Variants in SSBP2 observed in about 807,000 individuals in gnomAD.
SSBP2 encodes single-stranded DNA-binding protein 2.
SSBP2 carries 17 observed loss-of-function variants against 61.8 expected under a neutral mutation model. The ratio of observed to expected loss-of-function variants is 0.28; its 90% CI spans 0.19 to 0.41. The LOEUF (loss-of-function observed/expected upper bound fraction) is 0.41. SSBP2 is among the 10% of genes least tolerant of loss of function. The pLI is 1.00. For synonymous variants in SSBP2, 139 were observed against 141.3 expected (o/e 0.98, Z 0.12); for missense variants, 310 against 458.7 (o/e 0.68, Z 2.96).
At chr5:81,518,235 A>T (rs144037945) in intron 4 of SSBP2, among the ~76,000 whole-genome samples, 177 of 152,306 alleles carry the variant, frequency 1.2e-3, no homozygotes, top group African/African-American at 4.2e-3. Context: ...GGGAAGGGTG[A>T]GTAGGAAGAG....
chr5:81,715,634 TACTA>T lies in SSBP2; in HGVS notation c.62+35343_62+35346del, dbSNP rs1410870414. ...GAAAGAAAAAGTAACCATAGAATAC[TACTA>T]CATGGCAAAACTATAAATAGCATTT... On this transcript the variant is annotated intron_variant, in intron 1 of 16. Transcript: ENST00000320672. Among the ~76,000 whole-genome samples, 3 of 152,196 alleles carry T rather than the reference TACTA, an allele frequency of 2.0e-5. No individual in the cohort carries two copies. In the East Asian group the frequency reaches 5.8e-4, roughly 29 times the overall value.
At position 81,413,571 on chromosome 5, in the gene SSBP2, C is replaced by G. The variant is rs934404936; in HGVS notation, c.*6933G>C. 6.6e-6 allele frequency: 1 copy of G among 152,130 alleles called. No homozygotes were observed. Among genetic ancestry groups the G allele is most frequent in the Non-Finnish European group, 1.5e-5 (1 of 68,006 alleles). 9.4% of individuals were successfully genotyped at this position (152,130 alleles called of 1,614,324 possible). On this transcript the variant is annotated 3_prime_UTR_variant, in exon 17 of 17. Coordinates refer to ENST00000320672, the MANE Select transcript of SSBP2 (RefSeq NM_012446.5). ...ATTAAACAATTCAATACGTTAATGG[C>G]TATCATAAGTATTCTATTTATAAAG...
At chr5:81,579,720 G>A (rs1581076983) in intron 4 of SSBP2, among the ~76,000 whole-genome samples, 1 of 152,148 alleles carries the variant, frequency 6.6e-6, no homozygotes, top group East Asian at 1.9e-4. Context: ...CATGTAATCA[G>A]ATAAAAGCTT....
intron 4 of SSBP2, among the ~76,000 whole-genome samples, chr5:81,574,335 AT>A (rs1258350371): frequency 6.6e-6 from 1 of 152,166 alleles, no homozygotes; most frequent in Non-Finnish European, 1.5e-5. Flanking sequence ...CTGAAAAAAA[AT>A]AATGGGCTAA....
chr5:81,622,875 G>C (rs961279246), intron 3 of SSBP2, among the ~76,000 whole-genome samples: 1 of 151,974 alleles, frequency 6.6e-6, no homozygotes. Flanking sequence ...CCTTCAGCGG[G>C]GAAAAACGTG....
intron 1 of SSBP2, among the ~76,000 whole-genome samples, chr5:81,650,976 C>T (rs1398789784): frequency 6.6e-6 from 1 of 151,986 alleles, no homozygotes; most frequent in African/African-American, 2.4e-5. Flanking sequence ...TAAAGGTTAA[C>T]AAAATTATGT....
intron 3 of SSBP2, among the ~76,000 whole-genome samples, chr5:81,627,467 C>G (rs1747283062): frequency 6.6e-6 from 1 of 152,114 alleles, no homozygotes. Context: ...AACCAGTAAG[C>G]CAATTATAAA....
At chr5:81,544,110 C>T (rs547104999) in intron 4 of SSBP2, among the ~76,000 whole-genome samples, 3 of 152,208 alleles carry the variant, frequency 2.0e-5, no homozygotes, top group East Asian at 3.9e-4. Flanking sequence ...AGTGCAGTGG[C>T]GGGATCTCGG....
Position 81,442,657 on chromosome 5 carries a change from G to C in SSBP2, c.845C>G (p.Pro282Arg). Residue 282 changes from proline (P) to arginine (R), a missense_variant, in exon 13 of 17, where the codon CCT becomes CGT. Pro to Arg is a moderately radical substitution (Grantham distance 103). Coordinates refer to ENST00000320672, the MANE Select transcript of SSBP2 (RefSeq NM_012446.5). ...ATAAAAAAAGTTCATATTTACATTAGGTCTGTTAGGTCCAGGAGGTACTGC... is the reference window on the plus strand; with the variant it reads ...ATAAAAAAAGTTCATATTTACATTACGTCTGTTAGGTCCAGGAGGTACTGC... 1 of 1,555,014 alleles carries C rather than the reference G, an allele frequency of 6.4e-7. No individual in the cohort carries two copies. The highest frequency in any genetic ancestry group is 8.7e-7 in the Non-Finnish European group (1 of 1,143,748).
At chr5:81,612,837 G>A (rs1561605045) in intron 4 of SSBP2, among the ~76,000 whole-genome samples, 1 of 151,892 alleles carries the variant, frequency 6.6e-6, no homozygotes, top group East Asian at 1.9e-4. Context: ...AAACTCAAAT[G>A]CAGAATATAA....
intron 4 of SSBP2, among the ~76,000 whole-genome samples, chr5:81,560,508 A>G (rs772686132): frequency 1.8e-4 from 28 of 152,122 alleles, no homozygotes; most frequent in Admixed American, 5.2e-4. Flanking sequence ...GGTACATAGC[A>G]GAAGTATTAT....
At chr5:81,733,285 T>C (rs150780196) in intron 1 of SSBP2, among the ~76,000 whole-genome samples, 1,859 of 152,214 alleles carry the variant, frequency 0.012, 36 homozygotes, top group African/African-American at 0.041. Context: ...TATTGACTAA[T>C]AGAAGAGAAC....
intron 2 of SSBP2, among the ~76,000 whole-genome samples, chr5:81,642,451 T>C (rs1748873036): frequency 6.6e-6 from 1 of 152,238 alleles, no homozygotes; most frequent in Admixed American, 6.5e-5. Context: ...TTCATGGCCT[T>C]GTCTATGAAT....
rs147203313 is a variant in SSBP2 at position 81,555,409 on chromosome 5, T to C, written c.283-41692A>G. ...CAGGGACTACTCATATATTAGCCCA[T>C]GTAAATTGTGGTTAAATATAAGAAA... On this transcript the variant is annotated intron_variant, in intron 4 of 16. Transcript: ENST00000320672. Among the ~76,000 whole-genome samples the C allele has an allele frequency of 2.6e-3, 398 of 152,162 alleles. 1 individual carries two copies. Among genetic ancestry groups the C allele is most frequent in the African/African-American group, 8.5e-3 (354 of 41,566 alleles).
chr5:81,507,999 A>G (rs1768310522), intron 5 of SSBP2, among the ~76,000 whole-genome samples: 1 of 152,198 alleles, frequency 6.6e-6, no homozygotes. Flanking sequence ...TGCAGGAATC[A>G]AAGTCCTTTG....
chr5:81,725,161 T>C (rs1755790008), intron 1 of SSBP2, among the ~76,000 whole-genome samples: 1 of 152,130 alleles, frequency 6.6e-6, no homozygotes, highest in South Asian at 2.1e-4. Flanking sequence ...AGAAGAGATC[T>C]GAATGGAGTG....
rs78676814 is a variant in SSBP2, at chr5:81,448,592, G to A, written c.723+198C>T. 6.0e-3 allele frequency among the ~76,000 whole-genome samples: 919 copies of A among 152,210 alleles called. 11 individuals are homozygous for A. Among genetic ancestry groups the A allele is most frequent in the African/African-American group, 0.021 (878 of 41,518 alleles). ...ATGCTGAAGTAAAACACAGTACTCA[G>A]GGCAATTCTGGCCAGATTGATAACT... On this transcript the variant is annotated intron_variant, in intron 11 of 16. Coordinates refer to ENST00000320672, the MANE Select transcript of SSBP2 (RefSeq NM_012446.5).
intron 4 of SSBP2, among the ~76,000 whole-genome samples, chr5:81,557,936 T>C (rs922507780): frequency 6.6e-6 from 1 of 152,168 alleles, no homozygotes; most frequent in African/African-American, 2.4e-5. Flanking sequence ...TGGATTTACA[T>C]TTCTATATAT....
intron 14 of SSBP2, among the ~76,000 whole-genome samples, chr5:81,439,667 G>GTTTTT (rs61650905): frequency 1.0e-5 from 1 of 100,166 alleles, no homozygotes; most frequent in Non-Finnish European, 1.9e-5. Flanking sequence ...TGCCCAGCTA[G>GTTTTT]TTTTTTTTTT....
Sources: allele counts gnomAD v4.1 joint callset (sites outside exome capture counted in the v4.1 genomes callset), GRCh38; gene constraint gnomAD v4.1.1; transcripts MANE v1.5; gene names NCBI Gene and HGNC (gene_info 2026-07-23, HGNC 2026-07-21).